Variants in LYST observed in about 807,000 individuals in gnomAD.
The protein encoded by LYST is lysosomal trafficking regulator.
In LYST, 192 loss-of-function variants were observed where a neutral mutation model predicts 413.6. The ratio of observed to expected loss-of-function variants is 0.46; its 90% CI spans 0.41 to 0.52. The LOEUF is 0.52. Among genes scored for constraint, LYST ranks in the 20% least tolerant of loss-of-function variants. The probability of loss-of-function intolerance (pLI) is 0.00; values close to 1 mark genes in which losing one functional copy is unlikely to be tolerated. For synonymous variants in LYST, 1,525 were observed against 1,567.3 expected, an observed-to-expected ratio of 0.97 and a Z score of 0.64; for missense variants, 3,815 against 4,499.9, an observed-to-expected ratio of 0.85 and a Z score of 4.35.
chr1:235,828,689 T>C (rs2102989082), intron 3 of LYST: 1 of 726,546 alleles, frequency 1.4e-6, no homozygotes. Context: ...GCTATTTATA[T>C]GGTATATTTT....
intron 45 of LYST, among the ~76,000 whole-genome samples, chr1:235,700,887 G>A (rs895234995): frequency 1.3e-5 from 2 of 152,128 alleles, no homozygotes; most frequent in African/African-American, 2.4e-5. Context: ...TATTTGGGAT[G>A]GGAGTATAGA....
At position 235,782,025 on chromosome 1, in the gene LYST, T is replaced by C. The variant is rs762963399; in HGVS notation, c.4925A>G (p.Asn1642Ser). The C allele has an allele frequency of 5.6e-6, 9 of 1,613,014 alleles. No individual in the cohort carries two copies. The highest frequency in any genetic ancestry group is 1.7e-5 in the Admixed American group (1 of 60,000). Reference sequence around the variant, plus strand: ...ATGGCCAATCATGCAAAATGTTTTATTGCTATCAGATGACAAACTTGTTTT... The same window carrying C: ...ATGGCCAATCATGCAAAATGTTTTACTGCTATCAGATGACAAACTTGTTTT... ...PRKTSLSSDSNKTFCMIGHCL... is the reference protein window; with the variant it reads ...PRKTSLSSDSSKTFCMIGHCL... The change falls in exon 15 of 53, where the codon AAT becomes AGT. Residue 1642 changes from asparagine (N) to serine (S), a missense_variant. Physicochemically the swap from Asn to Ser is conservative, Grantham distance 46. Coordinates refer to ENST00000389793, the MANE Select transcript of LYST (RefSeq NM_000081.4).
At chr1:235,667,911 C>T (rs2103016344) in intron 50 of LYST, among the ~76,000 whole-genome samples, 1 of 152,194 alleles carries the variant, frequency 6.6e-6, no homozygotes, top group East Asian at 1.9e-4. Flanking sequence ...ATCTACCCAC[C>T]TCGGCCTCCC....
At chr1:235,883,277 G>T (rs1184626860) in exon 1 of LYST, 1 of 152,380 alleles carries the variant, frequency 6.6e-6, no homozygotes, top group Non-Finnish European at 1.5e-5. Context: ...CAACGAAACT[G>T]GTCTCTTCCA....
intron 24 of LYST, among the ~76,000 whole-genome samples, chr1:235,755,967 GA>G (rs936424314): frequency 6.6e-6 from 1 of 151,880 alleles, no homozygotes; most frequent in East Asian, 1.9e-4. Context: ...TGCTGAGAGG[GA>G]AAAAATCCGT....
chr1:235,709,377 C>A, intron 43 of LYST, 69 bp from the exon 44 acceptor site: 1 of 1,250,414 alleles, frequency 8.0e-7, no homozygotes, highest in South Asian at 1.3e-5. Context: ...CAGAGCAGGT[C>A]TTAAGAGTTC....
chr1:235,713,674 TC>T (rs1259512623), intron 42 of LYST, among the ~76,000 whole-genome samples: 2 of 152,254 alleles, frequency 1.3e-5, no homozygotes, highest in East Asian at 3.9e-4. Context: ...CAGCTAAACG[TC>T]CTACAATGCA....
intron 1 of LYST, among the ~76,000 whole-genome samples, chr1:235,857,519 A>G (rs1187591233): frequency 6.6e-6 from 1 of 152,102 alleles, no homozygotes; most frequent in Non-Finnish European, 1.5e-5. Context: ...ATCAAAGGAA[A>G]GCACAAAGAA....
chr1:235,809,290 T>A lies in LYST; in HGVS notation c.1528A>T (p.Met510Leu), dbSNP rs1292909962. Reference protein sequence around the residue: ...RHRRCEYSHFMHHHRDLSGLL... With the variant: ...RHRRCEYSHFLHHHRDLSGLL... ...CCTGAGAGATCTCGGTGATGATGCA[T>A]AAAATGAGAATATTCACATCGTCTG... Residue 510 changes from methionine to leucine, a missense_variant, in exon 5 of 53, where the codon ATG becomes TTG. Coordinates refer to ENST00000389793, the MANE Select transcript of LYST (RefSeq NM_000081.4). The surrounding 1 kb of genome is among the most constrained non-coding windows in gnomAD (Gnocchi z 4.0). The A allele has an allele frequency of 6.2e-7, 1 of 1,614,070 alleles. No individual in the cohort carries two copies. The highest frequency in any genetic ancestry group is 8.5e-7 in the Non-Finnish European group (1 of 1,179,968).
At chr1:235,836,493 G>A (rs1273913526) in intron 1 of LYST, among the ~76,000 whole-genome samples, 1 of 152,218 alleles carries the variant, frequency 6.6e-6, no homozygotes, top group Non-Finnish European at 1.5e-5. Context: ...AATGGAATAA[G>A]TAAATGGACC....
Position 235,693,441 on chromosome 1 carries a change from AG to A in LYST, c.10609del (p.Leu3537Ter). 1 of 1,613,136 alleles carries A rather than the reference AG, an allele frequency of 6.2e-7. No homozygotes were observed. Among genetic ancestry groups the A allele is most frequent in the Non-Finnish European group, 8.5e-7 (1 of 1,179,012 alleles). The part of the protein sequence containing the change: ...NSTDIQWSAI[L>X]SWGYADNILR... ...AATATTATCAGCATATCCCCAGCTCAGGATGGCTGACCACTGAATGTCCGTA... is the reference window on the plus strand; with the variant it reads ...AATATTATCAGCATATCCCCAGCTCAGATGGCTGACCACTGAATGTCCGTA... On this transcript the variant is annotated frameshift_variant, in exon 47 of 53. Transcript: ENST00000389793. LOFTEE classifies it high-confidence loss of function.
At chr1:235,729,368 T>A (rs1180221747) in intron 37 of LYST, among the ~76,000 whole-genome samples, 1 of 152,154 alleles carries the variant, frequency 6.6e-6, no homozygotes, top group African/African-American at 2.4e-5. Context: ...AAGAAACAAT[T>A]TTATAAAAAC....
At chr1:235,876,681 G>T (rs187541735) in intron 1 of LYST, among the ~76,000 whole-genome samples, 109 of 152,262 alleles carry the variant, frequency 7.2e-4, no homozygotes, top group African/African-American at 2.6e-3. Context: ...TGTTAGTAAA[G>T]TTCTGTTTTC....
At chr1:235,766,332 G>A in intron 20 of LYST, 55 bp from the exon 21 acceptor site, 1 of 1,367,366 alleles carries the variant, frequency 7.3e-7, no homozygotes, top group Non-Finnish European at 1.0e-6. Context: ...ACTTAACTAA[G>A]ATTTTTCATT....
intron 19 of LYST, among the ~76,000 whole-genome samples, chr1:235,772,073 A>G (rs1183739995): frequency 6.6e-6 from 1 of 151,988 alleles, no homozygotes; most frequent in Non-Finnish European, 1.5e-5. Flanking sequence ...AAAAAATTAA[A>G]AATTATCCAA....
Position 235,752,138 on chromosome 1 carries a change from A to C in LYST, c.7494T>G (p.Cys2498Trp), listed in dbSNP as rs1373455694. Residue 2498 changes from cysteine (C) to tryptophan (W), a missense_variant, in exon 27 of 53, where the codon TGT (cysteine) becomes TGG (tryptophan). By Grantham distance (215) the Cys-to-Trp change is radical. Around this residue, in one of 4 missense-constraint regions of LYST, gnomAD observed 771 missense variants for 837.1 expected, o/e 0.92. Transcript: ENST00000389793. ...IPMSEYKLLA[C>W]DIQQLFIAVT... ...CTGCTATGAAAAGTTGCTGTATATC[A>C]CAAGCAAGCAATTTATATTCACTCA... is the stretch of plus-strand genomic sequence containing the variant. The C allele has an allele frequency of 1.2e-6, 2 of 1,611,332 alleles. No homozygotes were observed. The highest frequency in any genetic ancestry group is 2.7e-5 in the African/African-American group (2 of 74,864).
In LYST at chr1:235,805,825, C is replaced by T. The variant is rs148299757; in HGVS notation, c.3311G>A (p.Arg1104Gln). ...QESETSLQSI[R>Q]LLEALLAICL... Reference sequence around the variant, plus strand: ...AATGGCCAGAAGGGCTTCCAAAAGTCGTATACTTTGAAGTGAGGTCTCACT... The same window carrying T: ...AATGGCCAGAAGGGCTTCCAAAAGTTGTATACTTTGAAGTGAGGTCTCACT... Residue 1104 changes from arginine (R) to glutamine (Q), a missense_variant, in exon 6 of 53, where the codon CGA (arginine) becomes CAA (glutamine). Around this residue, in one of 4 missense-constraint regions of LYST, gnomAD observed 1,648 missense variants for 1,810.3 expected, o/e 0.91. Transcript: ENST00000389793. 386 of 1,613,616 alleles carry T rather than the reference C, an allele frequency of 2.4e-4. No individual in the cohort carries two copies. Among genetic ancestry groups the T allele is most frequent in the Non-Finnish European group, 3.1e-4 (368 of 1,179,842 alleles).
chr1:235,738,227 G>A (rs1236499110), intron 31 of LYST: 1 of 1,610,614 alleles, frequency 6.2e-7, no homozygotes, highest in Non-Finnish European at 8.5e-7. Context: ...GAACACCAAA[G>A]ATTGTCTCTG....
At chr1:235,768,840 A>G (rs1668385463) in intron 20 of LYST, among the ~76,000 whole-genome samples, 1 of 152,110 alleles carries the variant, frequency 6.6e-6, no homozygotes, top group Non-Finnish European at 1.5e-5. Flanking sequence ...TAAAACACTC[A>G]GTAAGCAAGG....
Sources: gnomAD v4.1 joint callset for allele counts (sites outside exome capture counted in the v4.1 genomes callset) on GRCh38, gnomAD v4.1.1 for gene constraint, gnomAD v4.1.1 regional missense constraint, Gnocchi (gnomAD v3.1) non-coding constraint, MANE v1.5 for transcripts, NCBI Gene and HGNC (gene_info 2026-07-23, HGNC 2026-07-21) for gene names.